PPP6R2: variants seen among roughly 807,000 people sequenced by gnomAD.
The protein encoded by PPP6R2 is protein phosphatase 6 regulatory subunit 2, also known as serine/threonine-protein phosphatase 6 regulatory subunit 2.
In PPP6R2, 62 loss-of-function variants were observed where a neutral mutation model predicts 100.2. That is an observed-to-expected ratio of 0.62 (90% CI 0.50 to 0.76). The LOEUF (loss-of-function observed/expected upper bound fraction) is 0.76, where lower values mean the gene tolerates loss of function less well. Ranked by LOEUF, PPP6R2 falls within the 30% of genes least tolerant of loss-of-function variation. The pLI is 0.00. For missense variants in PPP6R2, 1,142 were observed against 1,276.3 expected, an observed-to-expected ratio of 0.89 and a Z score of 1.60; for synonymous variants, 525 against 514.7, an observed-to-expected ratio of 1.02 and a Z score of -0.27.
chr22:50,358,987 ACCG>A (rs1569282199), intron 1 of PPP6R2, among the ~76,000 whole-genome samples: 2 of 31,346 alleles, frequency 6.4e-5, no homozygotes, highest in African/African-American at 1.5e-4. Context: ...GTGTAAAAGA[ACCG>A]CCCCCCCCCC....
chr22:50,382,412 C>T (rs1282513071), intron 2 of PPP6R2, among the ~76,000 whole-genome samples: 7 of 151,674 alleles, frequency 4.6e-5, no homozygotes, highest in African/African-American at 1.5e-4. Context: ...GCCTGACTAA[C>T]ATGGTGAAAC....
At chr22:50,439,918 ACCTGT>A in intron 20 of PPP6R2, 38 bp from the exon 21 acceptor site, 1 of 1,607,718 alleles carries the variant, frequency 6.2e-7, no homozygotes, top group Non-Finnish European at 8.5e-7. Flanking sequence ...GCCAGGAGGC[ACCTGT>A]CCCCCAGGAC....
intron 1 of PPP6R2, among the ~76,000 whole-genome samples, chr22:50,352,739 AC>A (rs766619887): frequency 8.5e-6 from 1 of 117,518 alleles, no homozygotes; most frequent in African/African-American, 3.5e-5. Flanking sequence ...AAAAACAAAA[AC>A]AAAAAAAAAA....
At chr22:50,422,833 A>C (rs1346827654) in intron 9 of PPP6R2, among the ~76,000 whole-genome samples, 1 of 152,158 alleles carries the variant, frequency 6.6e-6, no homozygotes, top group African/African-American at 2.4e-5. Context: ...CCCCTGCTGC[A>C]TAGCACCCTC....
chr22:50,338,519 TGTGC>T (rs2147822355), upstream of PPP6R2, among the ~76,000 whole-genome samples: 1 of 140,764 alleles, frequency 7.1e-6, no homozygotes, highest in African/African-American at 2.7e-5. Flanking sequence ...GTAGTGTGTG[TGTGC>T]GGTGTGTGTG....
upstream of PPP6R2, among the ~76,000 whole-genome samples, chr22:50,339,533 TG>T (rs1376149140): frequency 1.4e-5 from 2 of 138,148 alleles, no homozygotes; most frequent in African/African-American, 2.8e-5. Context: ...ATGTGGTGTG[TG>T]GTGTGTGTGT....
chr22:50,340,253 GGA>G (rs1282420724), upstream of PPP6R2, among the ~76,000 whole-genome samples: 1 of 115,376 alleles, frequency 8.7e-6, no homozygotes, highest in Non-Finnish European at 1.8e-5. Flanking sequence ...TGGTGTGTGT[GGA>G]GGGTGTGTGT....
intron 12 of PPP6R2, 24 bp from the exon 13 acceptor site, chr22:50,434,942 C>T (rs763725544): frequency 1.3e-6 from 2 of 1,590,086 alleles, no homozygotes; most frequent in Admixed American, 1.7e-5. Flanking sequence ...AGGAGGCCGC[C>T]CCGATGGTGC....
intron 1 of PPP6R2, among the ~76,000 whole-genome samples, chr22:50,359,568 T>G (rs1289195971): frequency 2.6e-5 from 4 of 152,146 alleles, no homozygotes; most frequent in Non-Finnish European, 4.4e-5. Context: ...GTCAGATGCT[T>G]TTTCTGTGTA....
chr22:50,444,190 T>C lies in PPP6R2; in HGVS notation c.2832-9T>C, dbSNP rs1252971248. 3 of 1,612,762 alleles carry C rather than the reference T, an allele frequency of 1.9e-6. No homozygotes were observed. Among genetic ancestry groups the C allele is most frequent in the Non-Finnish European group, 2.5e-6 (3 of 1,179,640 alleles). On this transcript the variant is annotated splice_polypyrimidine_tract_variant and intron_variant, in intron 23 of 23. Coordinates refer to ENST00000612753, the MANE Select transcript of PPP6R2 (RefSeq NM_001242898.2). ...CCCGCACGGTTCCAACCCCACCCCA[T>C]TCCTGCAGGAAGACAGATGCCCCGC...
intron 3 of PPP6R2, among the ~76,000 whole-genome samples, chr22:50,399,371 T>TTCC (rs2057663415): frequency 6.6e-6 from 1 of 152,186 alleles, no homozygotes; most frequent in East Asian, 1.9e-4. Context: ...CAGAAAATAG[T>TTCC]AAACAAATGG....
At chr22:50,368,655 C>T (rs986008594) in intron 1 of PPP6R2, among the ~76,000 whole-genome samples, 1 of 152,034 alleles carries the variant, frequency 6.6e-6, no homozygotes, top group African/African-American at 2.4e-5. Context: ...CTTGCCTTGG[C>T]ACCTGGGTAG....
At chr22:50,337,722 C>CTGTGTGGTATGTAGTG in the PPP6R2 span, among the ~76,000 whole-genome samples, 4 of 115,818 alleles carry the variant, frequency 3.5e-5, no homozygotes, top group East Asian at 1.2e-3. Flanking sequence ...TATATGTGTA[C>CTGTGTGGTATGTAGTG]TGTGTGGTAT....
intron 13 of PPP6R2, among the ~76,000 whole-genome samples, chr22:50,435,411 G>A (rs1008411418): frequency 6.6e-6 from 1 of 152,234 alleles, no homozygotes; most frequent in Non-Finnish European, 1.5e-5. Context: ...GCAGCTCAGG[G>A]AGCCCTGCCT....
chr22:50,416,225 C>T (rs1191125091), intron 6 of PPP6R2, 68 bp downstream of exon 6: 11 of 1,429,028 alleles, frequency 7.7e-6, no homozygotes, highest in African/African-American at 1.4e-5. Flanking sequence ...CCCACTGCTG[C>T]GGGCCAGGGG....
chr22:50,339,141 TTGTGGTGTGTGTGTGGTA>T (rs1156749270), upstream of PPP6R2, among the ~76,000 whole-genome samples: 59 of 114,262 alleles, frequency 5.2e-4, no homozygotes, highest in Non-Finnish European at 9.1e-4. Context: ...TGTGTGTGGT[TTGTGGTGTGTGTGTGGTA>T]TGTGGTGTGT....
At chr22:50,383,602 G>A (rs1489217577) in intron 2 of PPP6R2, among the ~76,000 whole-genome samples, 1 of 152,084 alleles carries the variant, frequency 6.6e-6, no homozygotes, top group African/African-American at 2.4e-5. Flanking sequence ...GGGCCTTCTT[G>A]TTTATGATGG....
chr22:50,339,225 TGGTGTGTTTAC>T (rs1176089926), upstream of PPP6R2, among the ~76,000 whole-genome samples: 3 of 141,584 alleles, frequency 2.1e-5, no homozygotes, highest in South Asian at 2.3e-4. Context: ...GTAGGGTGTG[TGGTGTGTTTAC>T]GGTGTGTGTT....
chr22:50,375,185 TTA>T (rs1467724404), intron 2 of PPP6R2, among the ~76,000 whole-genome samples: 1 of 152,048 alleles, frequency 6.6e-6, no homozygotes, highest in Non-Finnish European at 1.5e-5. Flanking sequence ...TGGCAAGGTT[TTA>T]TGTTTCTGAG....
Sources: gnomAD v4.1 joint callset for allele counts (sites outside exome capture counted in the v4.1 genomes callset) on GRCh38, gnomAD v4.1.1 for gene constraint, MANE v1.5 for transcripts, NCBI Gene and HGNC (gene_info 2026-07-23, HGNC 2026-07-21) for gene names.